ABR: variants seen among roughly 807,000 people sequenced by gnomAD.
ABR encodes active breakpoint cluster region-related protein.
Under a neutral mutation model 107.2 loss-of-function variants are expected in ABR, and 35 were observed. That is an observed-to-expected ratio of 0.33 (90% CI 0.25 to 0.43). The LOEUF is 0.43. ABR is among the 20% of genes least tolerant of loss of function. The pLI, the probability that ABR is intolerant of heterozygous loss-of-function variation, is 1.00. For missense variants in ABR, 815 were observed against 1,115.2 expected, an observed-to-expected ratio of 0.73 and a Z score of 3.83; for synonymous variants, 498 against 462.0, an observed-to-expected ratio of 1.08 and a Z score of -1.00.
chr17:1,133,862 G>A (rs1353465223), intron 1 of ABR, among the ~76,000 whole-genome samples: 5 of 152,212 alleles, frequency 3.3e-5, no homozygotes, highest in Admixed American at 3.3e-4. Flanking sequence ...TGAGACCCAA[G>A]TGAAGCATGC....
chr17:1,217,505 A>G (rs961094466), intron 1 of ABR, among the ~76,000 whole-genome samples: 1 of 152,186 alleles, frequency 6.6e-6, no homozygotes, highest in African/African-American at 2.4e-5. Flanking sequence ...TTATATACAT[A>G]TTGACTTATT....
At chr17:1,204,731 T>C (rs890737516) in intron 1 of ABR, among the ~76,000 whole-genome samples, 23 of 152,108 alleles carry the variant, frequency 1.5e-4, no homozygotes, top group African/African-American at 5.1e-4. Flanking sequence ...GGCTATACCA[T>C]TGAGCCTACT....
At chr17:1,035,174 T>A (rs1189408476) in intron 16 of ABR, among the ~76,000 whole-genome samples, 6 of 151,690 alleles carry the variant, frequency 4.0e-5, no homozygotes, top group African/African-American at 1.5e-4. Context: ...TGGAAGAAGA[T>A]CTGTGCAAGA....
intron 1 of ABR, among the ~76,000 whole-genome samples, chr17:1,219,156 C>T (rs1020014470): frequency 3.3e-5 from 5 of 152,124 alleles, no homozygotes; most frequent in Non-Finnish European, 7.3e-5. Flanking sequence ...AATTATCCTG[C>T]CTCAGCCTCT....
chr17:1,202,714 T>C (rs1027630135), intron 1 of ABR, among the ~76,000 whole-genome samples: 24 of 152,134 alleles, frequency 1.6e-4, no homozygotes, highest in Admixed American at 1.3e-3. Context: ...CTTGATGAAA[T>C]AGGCCTAGGT....
At chr17:1,209,127 GGATGGAGTTCATGGGAGCTTGGAATT>G (rs1248322399) in intron 1 of ABR, among the ~76,000 whole-genome samples, 2 of 151,392 alleles carry the variant, frequency 1.3e-5, no homozygotes, top group African/African-American at 2.4e-5. Flanking sequence ...CCTTTCTTCC[GGATGGAGTTCATGGGAGCTTGGAATT>G]GATAGAGTTC....
chr17:1,071,411 C>T lies in ABR; in HGVS notation c.894+1203G>A, dbSNP rs1261517845. 6.6e-6 allele frequency among the ~76,000 whole-genome samples: 1 copy of T among 152,168 alleles called. No individual in the cohort carries two copies. The highest frequency in any genetic ancestry group is 2.4e-5 in the African/African-American group (1 of 41,436). ...ACCCTGTCAGCCTCACTCGTAACGG[C>T]CGCCTAATGGCCTCCCCTGGACAGG... On this transcript the variant is annotated intron_variant, in intron 8 of 22. Coordinates refer to ENST00000302538, the MANE Select transcript of ABR (RefSeq NM_021962.5). The surrounding 1 kb of genome is among the most constrained non-coding windows in gnomAD (Gnocchi z 5.1).
intron 2 of ABR, among the ~76,000 whole-genome samples, chr17:1,116,608 A>C (rs1432857891): frequency 1.3e-5 from 2 of 152,100 alleles, no homozygotes; most frequent in Non-Finnish European, 2.9e-5. Flanking sequence ...GCCAGAGAGG[A>C]CGGGAGCCAG....
intron 10 of ABR, among the ~76,000 whole-genome samples, chr17:1,066,845 T>C (rs2034793628): frequency 6.6e-6 from 1 of 152,138 alleles, no homozygotes; most frequent in Non-Finnish European, 1.5e-5. Flanking sequence ...TTCCCCTTTC[T>C]ATCGTGTTCA....
At chr17:1,018,099 G>T (rs949871084) in intron 16 of ABR, among the ~76,000 whole-genome samples, 4 of 151,350 alleles carry the variant, frequency 2.6e-5, no homozygotes, top group Admixed American at 2.6e-4. Flanking sequence ...CTGGAGTGCT[G>T]TGGCGCGATC....
At position 1,094,017 on chromosome 17, in the gene ABR, C is replaced by T. The variant is rs150831928; in HGVS notation, c.346-2167G>A. Among the ~76,000 whole-genome samples, 32 of 152,106 alleles carry T rather than the reference C, an allele frequency of 2.1e-4. No homozygotes were observed. The East Asian group carries it at 5.4e-3, about 26-fold the overall frequency. ...CAGTCAGGACTCTCCTTCTGACCCT[C>T]GCTGTGCTAGAATCAATGGCCCCTC... On this transcript the variant is annotated intron_variant, in intron 3 of 22. Coordinates refer to ENST00000302538, the MANE Select transcript of ABR (RefSeq NM_021962.5).
intron 16 of ABR, among the ~76,000 whole-genome samples, chr17:1,044,204 G>GT (rs970730942): frequency 3.9e-5 from 6 of 151,986 alleles, no homozygotes; most frequent in African/African-American, 7.2e-5. Context: ...GGTGGAGGGG[G>GT]GGCTCCCAGC....
intron 1 of ABR, among the ~76,000 whole-genome samples, chr17:1,218,145 C>T (rs547064509): frequency 2.0e-4 from 31 of 152,292 alleles, no homozygotes; most frequent in Admixed American, 5.9e-4. Flanking sequence ...CACCACATGC[C>T]GGACCCCATG....
chr17:1,042,808 G>A lies in ABR; in HGVS notation c.1791+7242C>T, dbSNP rs552030470. On this transcript the variant is annotated intron_variant, in intron 16 of 22. Coordinates refer to ENST00000302538, the MANE Select transcript of ABR (RefSeq NM_021962.5). ...TATATCCACAGACGGATAAACAGACGTGGCACCTACATCCACGGACGGACG... is the reference window on the plus strand; with the variant it reads ...TATATCCACAGACGGATAAACAGACATGGCACCTACATCCACGGACGGACG... Among the ~76,000 whole-genome samples the A allele has an allele frequency of 5.9e-5, 9 of 151,616 alleles. No homozygotes were observed. The East Asian group carries it at 1.2e-3, about 20-fold the overall frequency.
At chr17:1,121,226 G>A (rs55903330) in intron 2 of ABR, among the ~76,000 whole-genome samples, 6,756 of 152,374 alleles carry the variant, frequency 0.044, 199 homozygotes, top group Non-Finnish European at 0.071. Flanking sequence ...GTGGAAGGGC[G>A]TGCTGGGGAG....
At chr17:1,012,544 TC>T in intron 18 of ABR, 143 bp downstream of exon 18, 1 of 718,054 alleles carries the variant, frequency 1.4e-6, no homozygotes, top group East Asian at 2.7e-5. Context: ...CCACTCTAGA[TC>T]CACACCGGCC....
chr17:1,026,544 G>A (rs538309308), intron 16 of ABR, among the ~76,000 whole-genome samples: 1 of 152,176 alleles, frequency 6.6e-6, no homozygotes, highest in Non-Finnish European at 1.5e-5. Flanking sequence ...GGGGCCTCCT[G>A]GCCTCTCTAC....
At chr17:1,121,344 G>C (rs1294807131) in intron 2 of ABR, among the ~76,000 whole-genome samples, 2 of 152,262 alleles carry the variant, frequency 1.3e-5, no homozygotes, top group African/African-American at 4.8e-5. Context: ...TGGTGCAGCA[G>C]ATATTGATCA....
chr17:1,163,235 C>T (rs1032303815), intron 1 of ABR, among the ~76,000 whole-genome samples: 2 of 152,222 alleles, frequency 1.3e-5, no homozygotes, highest in Non-Finnish European at 2.9e-5. Flanking sequence ...ACAGCAAGCG[C>T]TAGGCTAACG....
Sources: gnomAD v4.1 joint callset for allele counts (sites outside exome capture counted in the v4.1 genomes callset) on GRCh38, gnomAD v4.1.1 for gene constraint, Gnocchi (gnomAD v3.1) non-coding constraint, MANE v1.5 for transcripts, NCBI Gene and HGNC (gene_info 2026-07-23, HGNC 2026-07-21) for gene names.